Variants in PPARGC1A observed in about 807,000 individuals in gnomAD.
The protein encoded by PPARGC1A is PPARG coactivator 1 alpha, also known as peroxisome proliferator-activated receptor gamma coactivator 1-alpha.
PPARGC1A carries 25 observed loss-of-function variants against 88.7 expected under a neutral mutation model. The ratio of observed to expected loss-of-function variants is 0.28; its 90% CI spans 0.21 to 0.39. PPARGC1A has a LOEUF of 0.39. Ranked by LOEUF, PPARGC1A falls within the 10% of genes least tolerant of loss-of-function variation. The pLI is 1.00. For missense variants in PPARGC1A, 880 were observed against 968.7 expected (o/e 0.91, Z 1.22); for synonymous variants, 363 against 355.6 (o/e 1.02, Z -0.24).
chr4:24,323,472 T>C, the PPARGC1A span, among the ~76,000 whole-genome samples: 3 of 152,194 alleles, frequency 2.0e-5, no homozygotes, highest in African/African-American at 7.2e-5. Context: ...CCCATGAGTT[T>C]CCTTCTCCTG....
At chr4:24,456,757 G>C in the PPARGC1A span, among the ~76,000 whole-genome samples, 1 of 151,908 alleles carries the variant, frequency 6.6e-6, no homozygotes, top group South Asian at 2.1e-4. Flanking sequence ...GGGAGAGTAG[G>C]GGAGCAAGCA....
chr4:23,938,708 A>G, the PPARGC1A span, among the ~76,000 whole-genome samples: 1 of 152,242 alleles, frequency 6.6e-6, no homozygotes. Context: ...GGGATCACAT[A>G]GAGAAAACAT....
chr4:24,122,001 G>C, the PPARGC1A span, among the ~76,000 whole-genome samples: 1 of 152,056 alleles, frequency 6.6e-6, no homozygotes, highest in African/African-American at 2.4e-5. Flanking sequence ...GACTCAAAGG[G>C]AGTGGAAAAG....
At chr4:24,129,501 A>G in the PPARGC1A span, among the ~76,000 whole-genome samples, 1 of 152,210 alleles carries the variant, frequency 6.6e-6, no homozygotes, top group Admixed American at 6.5e-5. Context: ...GAAAAGCAAC[A>G]TAGTACATTG....
chr4:24,048,396 TACTTC>T, the PPARGC1A span, among the ~76,000 whole-genome samples: 2 of 152,220 alleles, frequency 1.3e-5, no homozygotes, highest in Admixed American at 1.3e-4. Context: ...GTCAATACTT[TACTTC>T]TCTTTCTCAT....
the PPARGC1A span, among the ~76,000 whole-genome samples, chr4:23,977,810 C>T: frequency 3.3e-5 from 5 of 152,276 alleles, no homozygotes; most frequent in African/African-American, 4.8e-5. Context: ...TCCCCTACTT[C>T]GACGACTAAG....
At chr4:23,829,993 C>T (rs1037602371) in intron 3 of PPARGC1A, among the ~76,000 whole-genome samples, 8 of 151,934 alleles carry the variant, frequency 5.3e-5, no homozygotes, top group African/African-American at 1.9e-4. Context: ...AAGCAAAAAA[C>T]ATCTTTCTAA....
chr4:24,445,016 G>C, the PPARGC1A span, among the ~76,000 whole-genome samples: 1 of 151,922 alleles, frequency 6.6e-6, no homozygotes, highest in African/African-American at 2.4e-5. Context: ...TGCGCCACTT[G>C]CACTCCAGCC....
chr4:24,387,984 G>A, the PPARGC1A span, among the ~76,000 whole-genome samples: 1 of 149,020 alleles, frequency 6.7e-6, no homozygotes, highest in Non-Finnish European at 1.5e-5. Flanking sequence ...GGGAGGGAGG[G>A]AGAGAGGGAG....
chr4:23,991,130 G>T, the PPARGC1A span, among the ~76,000 whole-genome samples: 2 of 151,872 alleles, frequency 1.3e-5, no homozygotes, highest in Non-Finnish European at 2.9e-5. Flanking sequence ...GTCCTCAAAG[G>T]TCAGTCATAA....
chr4:24,186,250 T>C, the PPARGC1A span, among the ~76,000 whole-genome samples: 4,897 of 152,170 alleles, frequency 0.032, 170 homozygotes, highest in African/African-American at 0.083. Flanking sequence ...AGAGACCTAG[T>C]GCCAAATGTC....
the PPARGC1A span, among the ~76,000 whole-genome samples, chr4:23,972,818 T>C: frequency 2.0e-5 from 3 of 152,182 alleles, no homozygotes; most frequent in Admixed American, 1.3e-4. Context: ...AACGGTAAGA[T>C]ATTAACATTA....
the PPARGC1A span, among the ~76,000 whole-genome samples, chr4:24,239,605 G>A: frequency 1.3e-5 from 2 of 152,100 alleles, no homozygotes; most frequent in Non-Finnish European, 2.9e-5. Flanking sequence ...TTATGCAGGA[G>A]GTAGAATCTA....
chr4:23,940,383 G>A, the PPARGC1A span, among the ~76,000 whole-genome samples: 1 of 152,166 alleles, frequency 6.6e-6, no homozygotes, highest in East Asian at 1.9e-4. Flanking sequence ...AGCTCCAGAA[G>A]GAGGTGACAT....
the PPARGC1A span, among the ~76,000 whole-genome samples, chr4:24,255,342 G>T: frequency 6.6e-6 from 1 of 152,122 alleles, no homozygotes; most frequent in Non-Finnish European, 1.5e-5. Context: ...AATATGAAAT[G>T]TAATCATGCA....
the PPARGC1A span, among the ~76,000 whole-genome samples, chr4:24,286,869 A>C: frequency 1.6e-4 from 25 of 152,252 alleles, no homozygotes; most frequent in Admixed American, 3.3e-4. Context: ...AGTCATCTCA[A>C]GGTTGAGCTG....
the PPARGC1A span, among the ~76,000 whole-genome samples, chr4:24,307,515 T>A: frequency 6.6e-6 from 1 of 152,188 alleles, no homozygotes; most frequent in African/African-American, 2.4e-5. Flanking sequence ...TTGAGGCAAC[T>A]CTATTACCCT....
the PPARGC1A span, among the ~76,000 whole-genome samples, chr4:24,198,314 C>T: frequency 6.6e-6 from 1 of 152,168 alleles, no homozygotes; most frequent in South Asian, 2.1e-4. Context: ...TTGCATCCTG[C>T]CTCTCCTCTG....
the PPARGC1A span, among the ~76,000 whole-genome samples, chr4:24,367,051 A>G: frequency 1.3e-5 from 2 of 152,202 alleles, no homozygotes; most frequent in South Asian, 2.1e-4. Context: ...TTCAAAATAG[A>G]TCATAATGGA....
Sources: allele counts gnomAD v4.1 joint callset (sites outside exome capture counted in the v4.1 genomes callset), GRCh38; gene constraint gnomAD v4.1.1; transcripts MANE v1.5; gene names NCBI Gene and HGNC (gene_info 2026-07-23, HGNC 2026-07-21).